FRMPD4: variants seen among roughly 807,000 people sequenced by gnomAD.
FRMPD4 encodes the protein FERM and PDZ domain-containing protein 4.
In FRMPD4, 22 loss-of-function variants were observed where a neutral mutation model predicts 94.1. The observed-to-expected ratio is 0.23, with a 90% CI of 0.17 to 0.33. FRMPD4 has a LOEUF of 0.33. FRMPD4 is among the 10% of genes least tolerant of loss of function. The pLI, the probability that FRMPD4 is intolerant of heterozygous loss-of-function variation, is 1.00. For synonymous variants in FRMPD4, 631 were observed against 548.6 expected (o/e 1.15, Z -2.10); for missense variants, 1,111 against 1,339.9 (o/e 0.83, Z 2.67).
intron 3 of FRMPD4, among the ~76,000 whole-genome samples, chrX:12,076,327 C>CGTGT (rs34558552): frequency 0.066 from 6,470 of 98,039 alleles, 206 homozygotes; most frequent in East Asian, 0.16. Flanking sequence ...CCTAGCAAAA[C>CGTGT]GTGTGTGTGT....
At chrX:12,432,614 T>C (rs958508503) in intron 1 of FRMPD4, among the ~76,000 whole-genome samples, 9 of 112,070 alleles carry the variant, frequency 8.0e-5, no homozygotes, top group Non-Finnish European at 1.5e-4. Context: ...TGTCTTCGGT[T>C]CCTTGCTATA....
intron 1 of FRMPD4, among the ~76,000 whole-genome samples, chrX:12,453,518 T>A (rs2057297242): frequency 9.0e-6 from 1 of 111,636 alleles, no homozygotes; most frequent in Non-Finnish European, 1.9e-5. Flanking sequence ...TTGGTGGGAG[T>A]AAAATGGTGG....
rs180903852 is a variant in FRMPD4, at chrX:12,238,479, T to C, written c.41+99467T>C. ...AAAACAATTTTGCTATCACCAGCAG[T>C]ATAAGAGTAAATCTTTAAAAATGTG... On this transcript the variant is annotated intron_variant, in intron 1 of 16. Coordinates refer to ENST00000675598, the MANE Select transcript of FRMPD4 (RefSeq NM_001368397.1). Among the ~76,000 whole-genome samples, 463 of 112,155 alleles carry C rather than the reference T, an allele frequency of 4.1e-3. 1 individual carries two copies. The highest frequency in any genetic ancestry group is 0.015 in the African/African-American group (449 of 30,898).
chrX:12,152,387 G>A (rs978188987), intron 1 of FRMPD4, among the ~76,000 whole-genome samples: 7 of 111,059 alleles, frequency 6.3e-5, no homozygotes, highest in African/African-American at 2.0e-4. Context: ...AGTGAAAATA[G>A]TAAGACTCAC....
In FRMPD4 at chrX:12,480,333, G is replaced by GAAAA. The variant is rs35074731; in HGVS notation, c.42-18331_42-18328dup. On this transcript the variant is annotated intron_variant, in intron 1 of 16. Coordinates refer to ENST00000675598, the MANE Select transcript of FRMPD4 (RefSeq NM_001368397.1). ...AGACACTACAGAAATGAAAAGAAAT[G>GAAAA]AAAAAAAAAAAAAAAAAAAGCAAAA... 9.3e-4 allele frequency among the ~76,000 whole-genome samples: 51 copies of GAAAA among 54,645 alleles called. 1 individual carries two copies. Among genetic ancestry groups the GAAAA allele is most frequent in the African/African-American group, 3.1e-3 (41 of 13,290 alleles). The allele number at this position is 54,645 out of a possible 115,157, so 47.5% of individuals were successfully genotyped here.
chrX:12,193,771 A>G (rs76788827), intron 1 of FRMPD4, among the ~76,000 whole-genome samples: 6 of 17,288 alleles, frequency 3.5e-4, no homozygotes, highest in Non-Finnish European at 5.2e-4. Context: ...AGAAAGAAAG[A>G]AAGGAAGGAA....
At chrX:12,048,891 T>G (rs2054800833) in intron 3 of FRMPD4, among the ~76,000 whole-genome samples, 1 of 111,903 alleles carries the variant, frequency 8.9e-6, no homozygotes, top group Admixed American at 9.5e-5. Context: ...TACTGCAGCC[T>G]TATAGTATAG....
intron 7 of FRMPD4, 118 bp from the exon 8 acceptor site, chrX:12,690,077 C>A: frequency 2.0e-6 from 1 of 494,948 alleles, no homozygotes; most frequent in East Asian, 3.7e-5. Flanking sequence ...CAGAATCAAC[C>A]AAACGTATAA....
At chrX:12,189,450 C>T (rs1601677531) in intron 1 of FRMPD4, among the ~76,000 whole-genome samples, 3 of 111,186 alleles carry the variant, frequency 2.7e-5, no homozygotes, top group Middle Eastern at 9.3e-3. Context: ...ACCAAAAGCA[C>T]ACAGACATTA....
intron 3 of FRMPD4, among the ~76,000 whole-genome samples, chrX:12,059,025 G>A (rs2054870528): frequency 1.8e-5 from 2 of 111,558 alleles, no homozygotes; most frequent in African/African-American, 6.5e-5. Context: ...CTTTTAATAA[G>A]CTATCTTTAT....
At chrX:11,960,824 A>G (rs929505341) in intron 3 of FRMPD4, among the ~76,000 whole-genome samples, 5 of 112,208 alleles carry the variant, frequency 4.5e-5, no homozygotes, top group Admixed American at 9.4e-5. Flanking sequence ...AATGTTCTAT[A>G]CATATTTGAG....
At chrX:12,608,604 G>A (rs1027324147) in intron 2 of FRMPD4, among the ~76,000 whole-genome samples, 8 of 112,240 alleles carry the variant, frequency 7.1e-5, no homozygotes, top group Non-Finnish European at 7.5e-5. Flanking sequence ...ATTTTACTGC[G>A]GCCAGAAGCC....
chrX:12,558,254 T>C (rs1393089784), intron 2 of FRMPD4, among the ~76,000 whole-genome samples: 2 of 112,803 alleles, frequency 1.8e-5, no homozygotes, highest in African/African-American at 6.4e-5. Flanking sequence ...CAAGGTTGAT[T>C]GCGCATGCAA....
rs111558323 is a variant in FRMPD4, at chrX:11,957,662, T to C, written c.95+79644T>C. On this transcript the variant is annotated intron_variant, in intron 3 of 18. Transcript: ENST00000640291. ...CAAGGGCTATGATTGAAGGAGTCAA[T>C]TGAACTGCTGCCAGACAGATTTTAT... is the stretch of plus-strand genomic sequence containing the variant. Among the ~76,000 whole-genome samples, 783 of 112,524 alleles carry C rather than the reference T, an allele frequency of 7.0e-3. 12 individuals carry two copies. Among genetic ancestry groups the C allele is most frequent in the African/African-American group, 0.024 (734 of 31,034 alleles).
chrX:11,856,640 T>C (rs765946795), intron 1 of FRMPD4, among the ~76,000 whole-genome samples: 5 of 111,612 alleles, frequency 4.5e-5, no homozygotes, highest in South Asian at 3.8e-4. Context: ...CCCTTGAAAA[T>C]TGGCACAAGA....
intron 1 of FRMPD4, among the ~76,000 whole-genome samples, chrX:12,195,562 C>T (rs1411440948): frequency 1.8e-5 from 2 of 111,570 alleles, no homozygotes; most frequent in Admixed American, 9.5e-5. Context: ...GACTCAGAGC[C>T]CAGAGTTGTT....
chrX:11,900,898 T>C (rs1249058298), intron 3 of FRMPD4, among the ~76,000 whole-genome samples: 1 of 111,317 alleles, frequency 9.0e-6, no homozygotes, highest in East Asian at 2.8e-4. Context: ...TTCAATTCTG[T>C]TGACCCCCAT....
At chrX:12,265,839 C>A (rs1390338103) in intron 1 of FRMPD4, among the ~76,000 whole-genome samples, 1 of 109,803 alleles carries the variant, frequency 9.1e-6, no homozygotes, top group African/African-American at 3.3e-5. Context: ...CTATTTAAAA[C>A]AAACAAAAGC....
Position 12,514,116 on chromosome X carries a change from G to A in FRMPD4, c.158+15320G>A, listed in dbSNP as rs767734016. On this transcript the variant is annotated intron_variant, in intron 2 of 16. Transcript: ENST00000675598. ...TGCTTATCAGCTTAAGAAGCTTTGG[G>A]GCTGAGATGATGGGGTTTTCTAGAT... is the stretch of plus-strand genomic sequence containing the variant. Among the ~76,000 whole-genome samples, 4 of 111,539 alleles carry A rather than the reference G, an allele frequency of 3.6e-5. No homozygotes were observed. The East Asian group carries it at 1.1e-3, about 31-fold the overall frequency.
Sources: gnomAD v4.1 joint callset for allele counts (sites outside exome capture counted in the v4.1 genomes callset) on GRCh38, gnomAD v4.1.1 for gene constraint, MANE v1.5 for transcripts, NCBI Gene and HGNC (gene_info 2026-07-23, HGNC 2026-07-21) for gene names.